Variants in ZNF695 observed in about 807,000 individuals in gnomAD.
The protein encoded by ZNF695 is zinc finger protein 695, also known as zinc finger protein SBZF3.
ZNF695 carries 11 observed loss-of-function variants against 11.2 expected under a neutral mutation model. The ratio of observed to expected loss-of-function variants is 0.98; its 90% CI spans 0.62 to 1.62. The LOEUF (loss-of-function observed/expected upper bound fraction) is 1.62, where lower values mean the gene tolerates loss of function less well. Ranked by LOEUF, ZNF695 falls within the 40% of genes most tolerant of loss-of-function variation. The probability of loss-of-function intolerance (pLI) is 0.00; values close to 1 mark genes in which losing one functional copy is unlikely to be tolerated. For synonymous variants in ZNF695, 190 were observed against 201.4 expected (o/e 0.94, Z 0.48); for missense variants, 559 against 590.5 (o/e 0.95, Z 0.55).
At chr1:246,978,630 A>T (rs900122161) in intron 4 of ZNF695, among the ~76,000 whole-genome samples, 1 of 152,188 alleles carries the variant, frequency 6.6e-6, no homozygotes, top group Non-Finnish European at 1.5e-5. Flanking sequence ...GTCCAGCTCT[A>T]AAGTTACCAC....
chr1:246,972,933 A>ATC (rs1558309152), intron 4 of ZNF695, among the ~76,000 whole-genome samples: 1 of 47,274 alleles, frequency 2.1e-5, no homozygotes, highest in Non-Finnish European at 3.6e-5. Context: ...TTTAATGTGT[A>ATC]TATATATATA....
intron 5 of ZNF695, among the ~76,000 whole-genome samples, chr1:246,953,814 T>C (rs1259694586): frequency 6.6e-6 from 1 of 151,620 alleles, no homozygotes; most frequent in African/African-American, 2.4e-5. Context: ...TAATCCCAGC[T>C]ACTCAGGAGG....
intron 5 of ZNF695, among the ~76,000 whole-genome samples, chr1:246,955,615 T>A (rs1255682873): frequency 6.6e-6 from 1 of 152,228 alleles, no homozygotes; most frequent in Non-Finnish European, 1.5e-5. Context: ...TAATTAATTT[T>A]AATCTAAATC....
chr1:246,947,898 G>A (rs537979881), intron 5 of ZNF695, among the ~76,000 whole-genome samples: 3 of 152,190 alleles, frequency 2.0e-5, no homozygotes, highest in East Asian at 3.9e-4. Flanking sequence ...TGCAAGGAAC[G>A]GGACAAGGAA....
At chr1:246,965,230 G>A (rs531940911) in intron 5 of ZNF695, among the ~76,000 whole-genome samples, 28 of 152,042 alleles carry the variant, frequency 1.8e-4, no homozygotes, top group African/African-American at 3.4e-4. Flanking sequence ...GGTGGCGGGC[G>A]CCTGTAGTCC....
At position 246,999,401 on chromosome 1, in the gene ZNF695, T is replaced by C; in HGVS notation, c.206A>G (p.Glu69Gly). ...CACGTTCCAGGGCTCTTTCCTTGCC[T>C]CCAGACAGATGATCAGTTCTGGCTT... ...MSKPELIICL[E>G]ARKEPWNVNT... Residue 69 changes from glutamate to glycine, a missense_variant, in exon 3 of 4, where the codon GAG becomes GGG. Coordinates refer to ENST00000339986, the MANE Select transcript of ZNF695 (RefSeq NM_020394.5). The C allele has an allele frequency of 6.2e-7, 1 of 1,614,074 alleles. No individual in the cohort carries two copies.
At chr1:246,961,361 G>A (rs889881676) in intron 5 of ZNF695, among the ~76,000 whole-genome samples, 1 of 152,100 alleles carries the variant, frequency 6.6e-6, no homozygotes, top group African/African-American at 2.4e-5. Flanking sequence ...GTAGATACTC[G>A]ATAAAGTCTT....
chr1:246,963,041 C>T (rs765215731), intron 5 of ZNF695, among the ~76,000 whole-genome samples: 21 of 152,122 alleles, frequency 1.4e-4, no homozygotes, highest in South Asian at 2.1e-4. Flanking sequence ...GCAGGCAAAC[C>T]GGCTCCTGTC....
At chr1:246,954,956 C>CCCAAATCTCAT (rs935522811) in intron 5 of ZNF695, among the ~76,000 whole-genome samples, 13 of 152,244 alleles carry the variant, frequency 8.5e-5, no homozygotes, top group African/African-American at 3.1e-4. Flanking sequence ...TGTGTCCCCA[C>CCCAAATCTCAT]CCAAATCTCA....
intron 3 of ZNF695, among the ~76,000 whole-genome samples, chr1:246,994,953 T>G (rs1473662143): frequency 6.6e-6 from 1 of 152,206 alleles, no homozygotes; most frequent in Admixed American, 6.5e-5. Flanking sequence ...GACAAATGTA[T>G]GTCTGTGTAT....
chr1:246,972,950 TAC>T (rs201424412), intron 4 of ZNF695, among the ~76,000 whole-genome samples: 12 of 143,636 alleles, frequency 8.4e-5, no homozygotes, highest in Non-Finnish European at 1.2e-4. Flanking sequence ...TATATATATA[TAC>T]TATATAAATT....
At chr1:246,977,405 C>T (rs946143150) in intron 4 of ZNF695, among the ~76,000 whole-genome samples, 16 of 152,256 alleles carry the variant, frequency 1.1e-4, no homozygotes, top group East Asian at 3.9e-4. Flanking sequence ...TACGGGTGCC[C>T]GCCACCATAC....
At chr1:246,972,536 T>C (rs1668452564) in intron 4 of ZNF695, among the ~76,000 whole-genome samples, 1 of 152,242 alleles carries the variant, frequency 6.6e-6, no homozygotes, top group Non-Finnish European at 1.5e-5. Context: ...TCTGAGTTTT[T>C]TTTGAGATGA....
chr1:246,975,630 T>C (rs1668538282), intron 4 of ZNF695, among the ~76,000 whole-genome samples: 1 of 152,194 alleles, frequency 6.6e-6, no homozygotes, highest in Admixed American at 6.5e-5. Context: ...GTTCAGAGTT[T>C]GGCATGCAAA....
At position 247,007,494 on chromosome 1, in the gene ZNF695, C is replaced by CAAAA. The variant is rs34758795; in HGVS notation, c.3+408_3+411dup. ...CTGGCGACAGGGCGAGACTCCGTCTCAAAAAAAAAAAAAAAAAAAAAGAGG... is the reference window on the plus strand; with the variant it reads ...CTGGCGACAGGGCGAGACTCCGTCTCAAAAAAAAAAAAAAAAAAAAAAAAAGAGG... On this transcript the variant is annotated intron_variant, in intron 1 of 3. Transcript: ENST00000339986. Among the ~76,000 whole-genome samples, 31 of 79,300 alleles carry CAAAA rather than the reference C, an allele frequency of 3.9e-4. 1 individual carries two copies. Among genetic ancestry groups the CAAAA allele is most frequent in the African/African-American group, 8.2e-4 (15 of 18,264 alleles). The allele number at this position is 79,300 out of a possible 152,430, so 52.0% of individuals were successfully genotyped here.
chr1:246,982,011 T>C (rs12057312), downstream of ZNF695, among the ~76,000 whole-genome samples: 80,521 of 152,044 alleles, frequency 0.53, 25,366 homozygotes, highest in East Asian at 0.97. Flanking sequence ...TGGCTAAAGC[T>C]TGTAATCTCA....
downstream of ZNF695, among the ~76,000 whole-genome samples, chr1:246,981,698 A>C (rs1476799433): frequency 1.3e-5 from 2 of 152,134 alleles, no homozygotes; most frequent in East Asian, 3.9e-4. Context: ...GCTGTTCCTG[A>C]TGGTGATGGT....
intron 5 of ZNF695, among the ~76,000 whole-genome samples, chr1:246,951,986 T>C (rs1160806330): frequency 6.6e-6 from 1 of 152,212 alleles, no homozygotes; most frequent in Non-Finnish European, 1.5e-5. Context: ...TCTCGCTCTG[T>C]CGCACATGCT....
downstream of ZNF695, among the ~76,000 whole-genome samples, chr1:246,984,760 C>A (rs1668804744): frequency 6.6e-6 from 1 of 152,142 alleles, no homozygotes; most frequent in African/African-American, 2.4e-5. Flanking sequence ...TAATTAAGTA[C>A]AATGAAAATT....
Sources: allele counts gnomAD v4.1 joint callset (sites outside exome capture counted in the v4.1 genomes callset), GRCh38; gene constraint gnomAD v4.1.1; transcripts MANE v1.5; gene names NCBI Gene and HGNC (gene_info 2026-07-23, HGNC 2026-07-21).